SDC2: variants seen among roughly 807,000 people sequenced by gnomAD.
SDC2 encodes the protein syndecan-2.
SDC2 carries 13 observed loss-of-function variants against 22.2 expected under a neutral mutation model. That is an observed-to-expected ratio of 0.59 (90% CI 0.38 to 0.93). SDC2 has a LOEUF of 0.93. Ranked by LOEUF, SDC2 falls within the 40% of genes least tolerant of loss-of-function variation. The probability of loss-of-function intolerance (pLI) is 0.00; values close to 1 mark genes in which losing one functional copy is unlikely to be tolerated. For synonymous variants in SDC2, 94 were observed against 92.8 expected, an observed-to-expected ratio of 1.01 and a Z score of -0.07; for missense variants, 235 against 246.8, an observed-to-expected ratio of 0.95 and a Z score of 0.32.
intron 1 of SDC2, among the ~76,000 whole-genome samples, chr8:96,507,362 T>C (rs940817094): frequency 3.9e-5 from 6 of 152,258 alleles, no homozygotes; most frequent in Non-Finnish European, 7.3e-5. Context: ...TGAAATACCA[T>C]GAAACATACA....
At chr8:96,547,658 T>C (rs1486938307) in intron 1 of SDC2, among the ~76,000 whole-genome samples, 1 of 152,208 alleles carries the variant, frequency 6.6e-6, no homozygotes, top group Non-Finnish European at 1.5e-5. Context: ...GTAGCTTGTA[T>C]GCAAAAGCAT....
intron 1 of SDC2, among the ~76,000 whole-genome samples, chr8:96,564,788 G>A (rs1586302628): frequency 1.3e-5 from 2 of 152,040 alleles, no homozygotes; most frequent in East Asian, 1.9e-4. Flanking sequence ...CATCCCATAG[G>A]TAAGTGATGA....
chr8:96,526,305 A>G (rs1207741877), intron 1 of SDC2, among the ~76,000 whole-genome samples: 2 of 152,264 alleles, frequency 1.3e-5, no homozygotes, highest in African/African-American at 2.4e-5. Flanking sequence ...GAAGCATCAC[A>G]AATACTTTTA....
chr8:96,574,644 A>T (rs923087283), intron 1 of SDC2, among the ~76,000 whole-genome samples: 2 of 152,220 alleles, frequency 1.3e-5, no homozygotes, highest in Non-Finnish European at 2.9e-5. Context: ...CTGTGGTAGG[A>T]ATTACACCTG....
chr8:96,517,744 C>T (rs1984754), intron 1 of SDC2, among the ~76,000 whole-genome samples: 57,747 of 129,596 alleles, frequency 0.45, 11,564 homozygotes, highest in African/African-American at 0.59. Context: ...TATGTGTGTG[C>T]ATAAATACAC....
At chr8:96,597,056 C>T (rs866684136) in intron 2 of SDC2, among the ~76,000 whole-genome samples, 7 of 152,262 alleles carry the variant, frequency 4.6e-5, no homozygotes, top group Middle Eastern at 3.4e-3. Flanking sequence ...CTCATGTTCC[C>T]TGCCCTCAGA....
chr8:96,571,156 C>CT (rs1288484171), intron 1 of SDC2, among the ~76,000 whole-genome samples: 1 of 152,140 alleles, frequency 6.6e-6, no homozygotes, highest in Non-Finnish European at 1.5e-5. Context: ...GCACACGTGG[C>CT]TTGCGTCATA....
intron 1 of SDC2, among the ~76,000 whole-genome samples, chr8:96,585,648 G>A (rs953484258): frequency 6.6e-6 from 1 of 152,116 alleles, no homozygotes; most frequent in South Asian, 2.1e-4. Context: ...TATCTGAGAT[G>A]CTGTTTTAAA....
chr8:96,502,039 T>C (rs2589195), intron 1 of SDC2, among the ~76,000 whole-genome samples: 79 of 152,320 alleles, frequency 5.2e-4, no homozygotes, highest in Middle Eastern at 3.4e-3. Context: ...TGTCTATTTG[T>C]ATTAGTCTGT....
chr8:96,518,128 T>C (rs1563645778), intron 1 of SDC2, among the ~76,000 whole-genome samples: 1 of 152,186 alleles, frequency 6.6e-6, no homozygotes, highest in Non-Finnish European at 1.5e-5. Context: ...AGATACTTAA[T>C]GAGTTCTGAA....
In SDC2 at chr8:96,610,701, C is replaced by T. The variant is rs766899419; in HGVS notation, c.*1153C>T. ...CAAATGTACATCTCCCCTTTGCTAA[C>T]GGCCGTCTGCTCTCAAGGATGACGT... On this transcript the variant is annotated 3_prime_UTR_variant, in exon 5 of 5. Transcript: ENST00000302190. The T allele has an allele frequency of 2.0e-5, 3 of 152,546 alleles. No individual in the cohort carries two copies. Among genetic ancestry groups the T allele is most frequent in the Non-Finnish European group, 4.4e-5 (3 of 68,010 alleles). The allele number at this position is 152,546 out of a possible 1,614,324, so 9.4% of individuals were successfully genotyped here.
intron 2 of SDC2, among the ~76,000 whole-genome samples, chr8:96,595,237 A>C (rs1333592773): frequency 6.6e-6 from 1 of 152,220 alleles, no homozygotes; most frequent in African/African-American, 2.4e-5. Flanking sequence ...GGGCTTCAGA[A>C]TGACCCAGAA....
intron 1 of SDC2, among the ~76,000 whole-genome samples, chr8:96,523,589 C>G (rs1408554170): frequency 6.6e-6 from 1 of 152,074 alleles, no homozygotes; most frequent in African/African-American, 2.4e-5. Flanking sequence ...TATAATTATT[C>G]AGTAGGAGGT....
chr8:96,605,506 C>T (rs539382661), intron 3 of SDC2, among the ~76,000 whole-genome samples: 5 of 152,316 alleles, frequency 3.3e-5, no homozygotes, highest in Non-Finnish European at 5.9e-5. Flanking sequence ...ATGAGCTGCT[C>T]TCTTCTGCTT....
At chr8:96,514,684 A>C (rs1813375948) in intron 1 of SDC2, among the ~76,000 whole-genome samples, 1 of 152,050 alleles carries the variant, frequency 6.6e-6, no homozygotes, top group African/African-American at 2.4e-5. Context: ...TTTGGGATGA[A>C]ACTGTTCCAT....
chr8:96,537,626 T>C lies in SDC2; in HGVS notation c.60+43295T>C, dbSNP rs148898608. ...GTTCAGAGAAGTTAAAAGAAATTAA[T>C]AATTTTTCTTCTGTATGATTTTTGC... On this transcript the variant is annotated intron_variant, in intron 1 of 4. Transcript: ENST00000302190. Among the ~76,000 whole-genome samples the C allele has an allele frequency of 6.5e-3, 987 of 152,334 alleles. 7 individuals carry two copies. The highest frequency in any genetic ancestry group is 9.9e-3 in the Non-Finnish European group (673 of 68,034).
intron 1 of SDC2, among the ~76,000 whole-genome samples, chr8:96,515,410 C>G (rs986169853): frequency 6.6e-6 from 1 of 152,100 alleles, no homozygotes; most frequent in African/African-American, 2.4e-5. Context: ...TGCTGTAGCT[C>G]GGATTTCTTC....
chr8:96,494,287 A>T lies in SDC2; in HGVS notation c.16A>T (p.Ile6Phe). The T allele has an allele frequency of 6.5e-7, 1 of 1,547,166 alleles. No homozygotes were observed. The highest frequency in any genetic ancestry group is 2.4e-5 in the East Asian group (1 of 41,246). The change falls in exon 1 of 5, where the codon ATC becomes TTC. Residue 6 changes from isoleucine (I) to phenylalanine (F), a missense_variant. By Grantham distance (21) the Ile-to-Phe change is conservative. Transcript: ENST00000302190. ...CCTGGGGAATATGCGGCGCGCGTGG[A>T]TCCTGCTCACCTTGGGCTTGGTGGC... MRRAW[I>F]LLTLGLVACV...
chr8:96,598,438 C>T (rs530522136), intron 2 of SDC2, among the ~76,000 whole-genome samples: 14 of 151,930 alleles, frequency 9.2e-5, no homozygotes, highest in African/African-American at 2.9e-4. Flanking sequence ...CCTGACATGG[C>T]GAAACCCCAT....
Sources: allele counts gnomAD v4.1 joint callset (sites outside exome capture counted in the v4.1 genomes callset), GRCh38; gene constraint gnomAD v4.1.1; transcripts MANE v1.5; gene names NCBI Gene and HGNC (gene_info 2026-07-23, HGNC 2026-07-21).